Variants in PDE12 observed in about 807,000 individuals in gnomAD.
The protein encoded by PDE12 is 2',5'-phosphodiesterase 12.
A neutral mutation model predicts 45.4 loss-of-function variants in PDE12; 26 were observed. The ratio of observed to expected loss-of-function variants is 0.57; its 90% CI spans 0.42 to 0.79. The LOEUF is 0.79. PDE12 is among the 30% of genes least tolerant of loss of function. PDE12 has a pLI of 0.00. For missense variants in PDE12, 668 were observed against 790.0 expected (o/e 0.85, Z 1.85); for synonymous variants, 283 against 323.9 (o/e 0.87, Z 1.36).
At chr3:57,631,480 T>A in the PDE12 span, among the ~76,000 whole-genome samples, 1 of 151,166 alleles carries the variant, frequency 6.6e-6, no homozygotes, top group Non-Finnish European at 1.5e-5. Flanking sequence ...AGGCGTGAAC[T>A]ACCGCGCCCA....
the PDE12 span, among the ~76,000 whole-genome samples, chr3:57,590,478 T>G: frequency 3.3e-5 from 5 of 151,790 alleles, no homozygotes; most frequent in South Asian, 1.0e-3. Context: ...AAAGCAAGAC[T>G]CCGTCTCAAA....
the PDE12 span, among the ~76,000 whole-genome samples, chr3:57,644,164 A>AAC: frequency 6.6e-6 from 1 of 151,828 alleles, no homozygotes; most frequent in Non-Finnish European, 1.5e-5. Flanking sequence ...AAAAAAAAAA[A>AAC]AAACTATCAG....
At chr3:57,570,374 C>A (rs1402994100), downstream of PDE12, among the ~76,000 whole-genome samples, 1 of 120,298 alleles carries the variant, frequency 8.3e-6, no homozygotes, top group Non-Finnish European at 1.6e-5. Context: ...GCACACCAGA[C>A]CCTTTTTTTT....
chr3:57,648,463 G>A, the PDE12 span, among the ~76,000 whole-genome samples: 4 of 151,902 alleles, frequency 2.6e-5, no homozygotes, highest in Non-Finnish European at 5.9e-5. Context: ...TCCCATCAAT[G>A]CCCTCCTTAC....
chr3:57,586,350 A>G, the PDE12 span, among the ~76,000 whole-genome samples: 2 of 152,236 alleles, frequency 1.3e-5, no homozygotes, highest in Non-Finnish European at 2.9e-5. Flanking sequence ...GTTAAAAAAG[A>G]GCTGAAATTA....
Position 57,556,357 on chromosome 3 carries a change from T to A in PDE12, c.-23T>A. ...GGCCGCTGATCGGCCGCGGGTCTTG[T>A]CGACCGCTAGGCCACCAGGTTCATG... On this transcript the variant is annotated 5_prime_UTR_variant, in exon 1 of 3. Coordinates refer to ENST00000311180, the MANE Select transcript of PDE12 (RefSeq NM_177966.7). The surrounding 1 kb of genome is among the most constrained non-coding windows in gnomAD (Gnocchi z 5.0). The A allele has an allele frequency of 5.9e-6, 9 of 1,535,576 alleles. No individual in the cohort carries two copies. Among genetic ancestry groups the A allele is most frequent in the Non-Finnish European group, 7.9e-6 (9 of 1,139,656 alleles).
chr3:57,613,297 CTTT>C, the PDE12 span, among the ~76,000 whole-genome samples: 1 of 129,464 alleles, frequency 7.7e-6, no homozygotes, highest in Non-Finnish European at 1.6e-5. Context: ...AAAAAAACAA[CTTT>C]TTTTTTTTTT....
At chr3:57,616,049 C>A in the PDE12 span, among the ~76,000 whole-genome samples, 3 of 152,202 alleles carry the variant, frequency 2.0e-5, no homozygotes, top group Admixed American at 2.0e-4. Context: ...ACAGGCCAGG[C>A]GTGCTGCTCA....
the PDE12 span, chr3:57,575,477 A>G: frequency 3.9e-4 from 561 of 1,439,564 alleles, 1 homozygote; most frequent in African/African-American, 7.6e-3. Flanking sequence ...TTTAAACTGA[A>G]TATTAGCTTA....
the PDE12 span, chr3:57,645,551 C>A: frequency 8.4e-6 from 6 of 715,216 alleles, no homozygotes. Context: ...GCTCCTCAAA[C>A]TTTCCTTTTA....
chr3:57,569,471 G>A (rs1043382143), downstream of PDE12, among the ~76,000 whole-genome samples: 21 of 152,132 alleles, frequency 1.4e-4, no homozygotes, highest in African/African-American at 4.8e-4. Flanking sequence ...TCCCACTTCA[G>A]CCTCTCGAGT....
chr3:57,618,768 C>T, the PDE12 span, among the ~76,000 whole-genome samples: 2 of 151,774 alleles, frequency 1.3e-5, no homozygotes, highest in South Asian at 2.1e-4. Context: ...ACCACCACAT[C>T]TGGCTAATTT....
the PDE12 span, chr3:57,596,833 C>A: frequency 7.8e-6 from 4 of 513,100 alleles, no homozygotes; most frequent in East Asian, 3.5e-5. Context: ...GAGAAAAAGC[C>A]GAGTCCAGAA....
chr3:57,617,702 A>G, the PDE12 span, among the ~76,000 whole-genome samples: 51 of 152,044 alleles, frequency 3.4e-4, no homozygotes, highest in African/African-American at 1.2e-3. Context: ...ATCTCTACAA[A>G]GAAATTTTTT....
the PDE12 span, among the ~76,000 whole-genome samples, chr3:57,651,292 A>G: frequency 2.0e-5 from 3 of 152,226 alleles, no homozygotes; most frequent in Non-Finnish European, 4.4e-5. Flanking sequence ...ACAATTTGCA[A>G]ACTTACAATG....
chr3:57,557,266 G>C lies in PDE12; in HGVS notation c.887G>C (p.Arg296Pro). ...AAGGTGACTGAGGACGCTCTCATCC[G>C]CACTGTCTCTTACAACATCCTGGCA... ...TKKVTEDALI[R>P]TVSYNILADT... Residue 296 changes from arginine (R) to proline (P), a missense_variant, in exon 1 of 3, where the codon CGC (arginine) becomes CCC (proline). By Grantham distance (103) the Arg-to-Pro change is moderately radical. Coordinates refer to ENST00000311180, the MANE Select transcript of PDE12 (RefSeq NM_177966.7). The C allele has an allele frequency of 1.2e-6, 2 of 1,613,902 alleles. No individual in the cohort carries two copies. Among genetic ancestry groups the C allele is most frequent in the Non-Finnish European group, 1.7e-6 (2 of 1,180,010 alleles).
the PDE12 span, among the ~76,000 whole-genome samples, chr3:57,615,622 G>A: frequency 6.8e-4 from 103 of 152,160 alleles, 1 homozygote; most frequent in East Asian, 0.015. Context: ...TGGCCAACAT[G>A]GTGAAACCTC....
At position 57,561,160 on chromosome 3, in the gene PDE12, A is replaced by G. The variant is rs1038092602; in HGVS notation, c.*1156A>G. 7.1e-6 allele frequency: 7 copies of G among 984,232 alleles called. No individual in the cohort carries two copies. Among genetic ancestry groups the G allele is most frequent in the Non-Finnish European group, 8.4e-6 (7 of 828,464 alleles). The allele number at this position is 984,232 out of a possible 1,614,324, so 61.0% of individuals were successfully genotyped here. A position where few individuals can be genotyped will look rare whatever the true frequency, so the allele number is the denominator to read the frequency against. On this transcript the variant is annotated 3_prime_UTR_variant, in exon 3 of 3. Coordinates refer to ENST00000311180, the MANE Select transcript of PDE12 (RefSeq NM_177966.7). ...CTTCAGTTACTCTTGCCCATGAAAA[A>G]TGTTCATAAATGAACAGGGTATTTG...
At chr3:57,614,544 G>GTTT in the PDE12 span, among the ~76,000 whole-genome samples, 6 of 121,312 alleles carry the variant, frequency 4.9e-5, no homozygotes, top group African/African-American at 6.6e-5. Context: ...TTTGTTTTTT[G>GTTT]TTTTTTTTTT....
Sources: gnomAD v4.1 joint callset for allele counts (sites outside exome capture counted in the v4.1 genomes callset) on GRCh38, gnomAD v4.1.1 for gene constraint, Gnocchi (gnomAD v3.1) non-coding constraint, MANE v1.5 for transcripts, NCBI Gene and HGNC (gene_info 2026-07-23, HGNC 2026-07-21) for gene names.